ZNF429: variants seen among roughly 807,000 people sequenced by gnomAD.
ZNF429 encodes the protein zinc finger protein 429.
In ZNF429, 53 loss-of-function variants were observed where a neutral mutation model predicts 56.8. The observed-to-expected ratio is 0.93, with a 90% CI of 0.75 to 1.17. The LOEUF (loss-of-function observed/expected upper bound fraction) is 1.17, where lower values mean the gene tolerates loss of function less well. ZNF429 is among the 50% of genes most tolerant of loss of function. ZNF429 has a pLI of 0.00. For missense variants in ZNF429, 849 were observed against 788.4 expected (o/e 1.08, Z -0.92); for synonymous variants, 278 against 264.7 (o/e 1.05, Z -0.49).
chr19:21,519,871 T>TC (rs1427415670), intron 1 of ZNF429, among the ~76,000 whole-genome samples: 2 of 151,620 alleles, frequency 1.3e-5, no homozygotes, highest in South Asian at 2.1e-4. Flanking sequence ...CATGAATTTT[T>TC]TTTTTTTTTT....
intron 1 of ZNF429, chr19:21,519,077 G>A (rs1435003933): frequency 2.6e-5 from 4 of 152,046 alleles, no homozygotes; most frequent in Non-Finnish European, 5.9e-5. Flanking sequence ...GTTGAGTTTA[G>A]GTTCTGATAT....
chr19:21,508,112 C>T (rs1435750982), intron 1 of ZNF429, among the ~76,000 whole-genome samples: 1 of 151,960 alleles, frequency 6.6e-6, no homozygotes, highest in Non-Finnish European at 1.5e-5. Context: ...ATTAACCAGG[C>T]GTGGTGGTGC....
chr19:21,524,973 A>G (rs2033111426), intron 1 of ZNF429, among the ~76,000 whole-genome samples: 1 of 152,168 alleles, frequency 6.6e-6, no homozygotes, highest in African/African-American at 2.4e-5. Context: ...TTGCTTCATT[A>G]ATATGACCAT....
intron 1 of ZNF429, among the ~76,000 whole-genome samples, chr19:21,516,444 T>C (rs2032749102): frequency 6.6e-6 from 1 of 152,158 alleles, no homozygotes; most frequent in Non-Finnish European, 1.5e-5. Flanking sequence ...TGTTGTTCCA[T>C]ATGAATTTAA....
At chr19:21,522,196 A>AT (rs2033008128) in intron 1 of ZNF429, among the ~76,000 whole-genome samples, 1 of 152,320 alleles carries the variant, frequency 6.6e-6, no homozygotes, top group Admixed American at 6.5e-5. Flanking sequence ...TCAAGTTGGA[A>AT]TATTACCTCC....
chr19:21,516,059 T>A (rs2032724268), intron 1 of ZNF429, among the ~76,000 whole-genome samples: 1 of 151,910 alleles, frequency 6.6e-6, no homozygotes, highest in Non-Finnish European at 1.5e-5. Context: ...TTTGTTTTTT[T>A]AAATTTTTTT....
intron 3 of ZNF429, among the ~76,000 whole-genome samples, chr19:21,535,761 G>T: frequency 6.6e-6 from 1 of 151,780 alleles, no homozygotes; most frequent in Non-Finnish European, 1.5e-5. Flanking sequence ...TGATCTGCCC[G>T]CCTTGGCCTC....
chr19:21,536,211 T>C, intron 3 of ZNF429, 69 bp from the exon 4 acceptor site: 14 of 1,448,016 alleles, frequency 9.7e-6, no homozygotes, highest in Non-Finnish European at 1.2e-5. Flanking sequence ...ACTTTAGAGG[T>C]TTTGTTTGTG....
At chr19:21,520,261 C>A (rs2032943190) in intron 1 of ZNF429, among the ~76,000 whole-genome samples, 1 of 152,174 alleles carries the variant, frequency 6.6e-6, no homozygotes, top group African/African-American at 2.4e-5. Context: ...ACCTTAGATA[C>A]CTGAATCCAG....
At chr19:21,530,003 A>G in intron 2 of ZNF429, among the ~76,000 whole-genome samples, 3 of 152,054 alleles carry the variant, frequency 2.0e-5, no homozygotes, top group Non-Finnish European at 4.4e-5. Context: ...CATCCTGGCT[A>G]ACACGGTGAA....
At chr19:21,524,142 A>C (rs911691896) in intron 1 of ZNF429, among the ~76,000 whole-genome samples, 7 of 152,172 alleles carry the variant, frequency 4.6e-5, no homozygotes, top group Non-Finnish European at 5.9e-5. Context: ...AATAGAATCT[A>C]ATGTCAGATT....
rs932890181 is a variant in ZNF429, at chr19:21,530,619, C to A, written c.161C>A (p.Thr54Asn). 1.9e-6 allele frequency: 3 copies of A among 1,611,146 alleles called. No homozygotes were observed. In the South Asian group the frequency reaches 3.3e-5, roughly 18 times the overall value. ...GCTGTTTCTAAGCCAGACCTAATCACTTGTCTAGAGAAAGAAAAAGAACCC... is the reference window on the plus strand; with the variant it reads ...GCTGTTTCTAAGCCAGACCTAATCAATTGTCTAGAGAAAGAAAAAGAACCC... ...GIAVSKPDLI[T>N]CLEKEKEPCK... The change falls in exon 3 of 4, where the codon ACT becomes AAT. Residue 54 changes from threonine to asparagine, a missense_variant. By Grantham distance (65) the Thr-to-Asn change is moderately conservative. Coordinates refer to ENST00000358491, the MANE Select transcript of ZNF429 (RefSeq NM_001001415.4).
chr19:21,531,106 CAAAAAAA>C, intron 3 of ZNF429, among the ~76,000 whole-genome samples: 4 of 17,560 alleles, frequency 2.3e-4, no homozygotes, highest in African/African-American at 9.1e-4. Context: ...AACTCCATCT[CAAAAAAA>C]AAAAAAAAAA....
chr19:21,538,118 A>G lies in ZNF429; in HGVS notation c.*40A>G. 1.2e-6 allele frequency: 1 copy of G among 808,880 alleles called. No individual in the cohort carries two copies. The highest frequency in any genetic ancestry group is 1.8e-6 in the Non-Finnish European group (1 of 545,202). 50.1% of individuals were successfully genotyped at this position (808,880 alleles called of 1,614,324 possible). A position where few individuals can be genotyped will look rare whatever the true frequency, so the allele number is the denominator to read the frequency against. Reference sequence around the variant, plus strand: ...GTCTCTACTAAAAATACAAAAAAAAAAAAAAAAAAAATTAGCCAGGCGTGG... The same window carrying G: ...GTCTCTACTAAAAATACAAAAAAAAGAAAAAAAAAAATTAGCCAGGCGTGG... On this transcript the variant is annotated 3_prime_UTR_variant, in exon 4 of 4. Transcript: ENST00000358491.
chr19:21,506,999 C>T (rs962013090), intron 1 of ZNF429, among the ~76,000 whole-genome samples: 2 of 152,052 alleles, frequency 1.3e-5, no homozygotes, highest in African/African-American at 4.8e-5. Context: ...AACTCCCGAC[C>T]TCGGGTGATC....
intron 1 of ZNF429, among the ~76,000 whole-genome samples, chr19:21,521,156 C>CA (rs1330081444): frequency 6.6e-6 from 1 of 152,146 alleles, no homozygotes; most frequent in East Asian, 1.9e-4. Context: ...TTAGTTTCCC[C>CA]AAAAGGACTA....
Position 21,530,636 on chromosome 19 carries a change from A to G in ZNF429, c.178A>G (p.Lys60Glu), listed in dbSNP as rs753897876. The change falls in exon 3 of 4, where the codon AAA becomes GAA. Residue 60 changes from lysine (K) to glutamate (E), a missense_variant. Coordinates refer to ENST00000358491, the MANE Select transcript of ZNF429 (RefSeq NM_001001415.4). ...PDLITCLEKE[K>E]EPCKMKRHEM... ...CCTAATCACTTGTCTAGAGAAAGAAAAAGAACCCTGCAAGATGAAGCGACA... is the reference window on the plus strand; with the variant it reads ...CCTAATCACTTGTCTAGAGAAAGAAGAAGAACCCTGCAAGATGAAGCGACA... 5.6e-6 allele frequency: 9 copies of G among 1,612,712 alleles called. No homozygotes were observed. The South Asian group carries it at 9.9e-5, about 18-fold the overall frequency.
At chr19:21,513,928 G>A (rs2032618763) in intron 1 of ZNF429, among the ~76,000 whole-genome samples, 4 of 152,130 alleles carry the variant, frequency 2.6e-5, no homozygotes, top group Non-Finnish European at 5.9e-5. Context: ...CTTCACCACA[G>A]CATTTTTGAT....
intron 3 of ZNF429, among the ~76,000 whole-genome samples, chr19:21,535,323 CTTTCTCTTT>C: frequency 7.0e-5 from 9 of 128,338 alleles, no homozygotes; most frequent in African/African-American, 2.9e-4. Flanking sequence ...TTCTTTCTTT[CTTTCTCTTT>C]TCTTTTCTTT....
Sources: gnomAD v4.1 joint callset for allele counts (sites outside exome capture counted in the v4.1 genomes callset) on GRCh38, gnomAD v4.1.1 for gene constraint, MANE v1.5 for transcripts, NCBI Gene and HGNC (gene_info 2026-07-23, HGNC 2026-07-21) for gene names.